The following LTBR variants were observed in gnomAD, a reference collection of about 807,000 sequenced individuals.
LTBR encodes lymphotoxin beta receptor.
Under a neutral mutation model 45.4 loss-of-function variants are expected in LTBR, and 15 were observed. That is an observed-to-expected ratio of 0.33 (90% confidence interval 0.22 to 0.51). The LOEUF is 0.51. Ranked by LOEUF, LTBR falls within the 20% of genes least tolerant of loss-of-function variation. The pLI is 0.97. For missense variants in LTBR, 450 were observed against 565.5 expected, an observed-to-expected ratio of 0.80 and a Z score of 2.07; for synonymous variants, 228 against 231.0, an observed-to-expected ratio of 0.99 and a Z score of 0.12.
chr12:6,375,325 G>A (rs1412830222), upstream of LTBR: 4 of 1,438,760 alleles, frequency 2.8e-6, no homozygotes, highest in Non-Finnish European at 1.8e-6. Context: ...CTCACTCTAG[G>A]CCCTCAGCTC....
At chr12:6,390,074 C>T in intron 8 of LTBR, 38 bp from the exon 9 acceptor site, 1 of 1,354,996 alleles carries the variant, frequency 7.4e-7, no homozygotes, top group African/African-American at 1.4e-5. Context: ...GGGTCTGGGG[C>T]CCTCATCATT....
chr12:6,390,219 A>C lies in LTBR; in HGVS notation c.909A>C (p.Pro303=). The change falls in exon 9 of 10, where the codon CCA becomes CCC. Residue 303 remains proline (P), a synonymous_variant. Transcript: ENST00000228918. ...PLLPISGDVS[P]VSTGLPAAPV... is the part of the protein sequence containing the mutation. The stretch of plus-strand genomic sequence containing the variant: ...TACCCATTTCTGGAGATGTTTCCCC[A>C]GTATCCACTGGGCTCCCCGCAGCCC... 6.2e-7 allele frequency: 1 copy of C among 1,614,076 alleles called. No individual in the cohort carries two copies. Among genetic ancestry groups the C allele is most frequent in the South Asian group, 1.1e-5 (1 of 91,080 alleles).
chr12:6,384,878 C>T, intron 2 of LTBR, 144 bp from the exon 3 acceptor site: 1 of 1,166,514 alleles, frequency 8.6e-7, no homozygotes, highest in Non-Finnish European at 1.2e-6. Context: ...CTTTCCTTAC[C>T]TCACTGAGAG....
intron 9 of LTBR, 90 bp downstream of exon 9, chr12:6,390,430 C>G: frequency 8.3e-7 from 1 of 1,207,492 alleles, no homozygotes; most frequent in Non-Finnish European, 1.2e-6. Flanking sequence ...ATAAAAAGAC[C>G]AAAACAGAGG....
upstream of LTBR, chr12:6,383,907 T>G: frequency 1.9e-6 from 1 of 528,212 alleles, no homozygotes; most frequent in Non-Finnish European, 2.5e-6. Context: ...CTGCGAGGCT[T>G]GTCCAAGGGC....
rs1227174887 is a variant in LTBR, at chr12:6,391,290, C to A, written c.*353C>A. On this transcript the variant is annotated 3_prime_UTR_variant, in exon 10 of 10. Coordinates refer to ENST00000228918, the MANE Select transcript of LTBR (RefSeq NM_002342.3). The stretch of plus-strand genomic sequence containing the variant: ...GCCGCCACACGGTCACCTGCAAGGA[C>A]GTCACGGGCCCCTCTAAAGGATTCG... 2 of 197,778 alleles carry A rather than the reference C, an allele frequency of 1.0e-5. No homozygotes were observed. Among genetic ancestry groups the A allele is most frequent in the Non-Finnish European group, 2.0e-5 (2 of 98,472 alleles). 12.3% of individuals were successfully genotyped at this position (197,778 alleles called of 1,614,324 possible).
upstream of LTBR, chr12:6,384,145 C>T: frequency 7.8e-7 from 1 of 1,274,242 alleles, no homozygotes; most frequent in Non-Finnish European, 9.9e-7. Context: ...GTCCCCGCCC[C>T]GCGGCCAGCT....
In LTBR at chr12:6,390,267, G is replaced by A. The variant is rs148530627; in HGVS notation, c.957G>A (p.Pro319=). 201 of 1,613,988 alleles carry A rather than the reference G, an allele frequency of 1.2e-4. No homozygotes were observed. Among genetic ancestry groups the A allele is most frequent in the African/African-American group, 7.1e-4 (53 of 74,974 alleles). Residue 319 remains proline, a synonymous_variant, in exon 9 of 10, where the codon CCG becomes CCA. Coordinates refer to ENST00000228918, the MANE Select transcript of LTBR (RefSeq NM_002342.3). The part of the protein sequence containing the change: ...PAAPVLEAGV[P]QQQSPLDLTR... The stretch of plus-strand genomic sequence containing the variant: ...CCCCAGTTTTGGAGGCAGGGGTGCC[G>A]CAACAGCAGAGTCCTCTGGACCTGA...
Position 6,379,069 on chromosome 12 carries a change from T to A in LTBR, c.39+3475T>A, listed in dbSNP as rs192929555. 3.7e-4 allele frequency among the ~76,000 whole-genome samples: 57 copies of A among 152,336 alleles called. No individual in the cohort carries two copies. In the East Asian group the frequency reaches 0.011, roughly 29 times the overall value. The stretch of plus-strand genomic sequence containing the variant: ...TCCACCCTCCTAGGGAGAGCCTATC[T>A]CTGCACTTACCACTGTTTACTATTA... On this transcript the variant is annotated intron_variant, in intron 1 of 9. Coordinates refer to the LTBR transcript ENST00000539925.
At chr12:6,375,893 G>C (rs541620378) in intron 1 of LTBR, 7 of 1,255,848 alleles carry the variant, frequency 5.6e-6, no homozygotes, top group Admixed American at 3.9e-5. Flanking sequence ...GCAGAAAGAG[G>C]GAGACAATAG....
At position 6,386,398 on chromosome 12, in the gene LTBR, C is replaced by T. The variant is rs757123047; in HGVS notation, c.621C>T (p.Asp207=). 6.2e-7 allele frequency: 1 copy of T among 1,613,812 alleles called. No individual in the cohort carries two copies. The highest frequency in any genetic ancestry group is 8.5e-7 in the Non-Finnish European group (1 of 1,179,962). ...VEAAPGTAQS[D]TTCKNPLEPL... ...CAGCTCCAGGCACTGCCCAGTCCGA[C>T]ACAACCTGCAAAAATCCATTAGAGC... The change falls in exon 6 of 10, where the codon GAC becomes GAT. Residue 207 remains aspartate, a synonymous_variant. Transcript: ENST00000228918. The surrounding 1 kb of genome is among the most constrained non-coding windows in gnomAD (Gnocchi z 4.1).
At chr12:6,375,728 C>T in intron 1 of LTBR, 2 of 1,421,102 alleles carry the variant, frequency 1.4e-6, no homozygotes, top group Non-Finnish European at 1.8e-6. Flanking sequence ...GCTTTAGACG[C>T]AGACAGGCAA....
In LTBR at chr12:6,386,474, G is replaced by GT. The variant is rs1565494583; in HGVS notation, c.667+30_667+31insT. On this transcript the variant is annotated intron_variant, in intron 6 of 9. Coordinates refer to ENST00000228918, the MANE Select transcript of LTBR (RefSeq NM_002342.3). The surrounding 1 kb of genome is among the most constrained non-coding windows in gnomAD (Gnocchi z 4.1). Reference sequence around the variant, plus strand: ...GGGACCAGGGCTGAGGGACACGGGGGGGGCGCCTCTGAAAATGCCTTAATG... The same window carrying GT: ...GGGACCAGGGCTGAGGGACACGGGGGTGGGCGCCTCTGAAAATGCCTTAATG... 6.4e-7 allele frequency: 1 copy of GT among 1,566,402 alleles called. No individual in the cohort carries two copies. The highest frequency in any genetic ancestry group is 8.8e-7 in the Non-Finnish European group (1 of 1,138,360).
In LTBR at chr12:6,388,791, C is replaced by T. The variant is rs1195622623; in HGVS notation, c.776-9C>T. The T allele has an allele frequency of 6.2e-7, 1 of 1,614,110 alleles. No individual in the cohort carries two copies. Among genetic ancestry groups the T allele is most frequent in the East Asian group, 2.2e-5 (1 of 44,884 alleles). ...GGGGAGCCTACACCCATTTCATTCTCCATTGCAGGATCGCTGCTCAAGAGG... is the reference window on the plus strand; with the variant it reads ...GGGGAGCCTACACCCATTTCATTCTTCATTGCAGGATCGCTGCTCAAGAGG... On this transcript the variant is annotated splice_polypyrimidine_tract_variant and intron_variant, in intron 7 of 9. Transcript: ENST00000228918. This position sits in a 1 kb window ranked among gnomAD's most constrained non-coding sequence, Gnocchi z 4.3.
chr12:6,388,591 C>T lies in LTBR; in HGVS notation c.775+86C>T, dbSNP rs71579333. 6.6e-6 allele frequency: 8 copies of T among 1,211,104 alleles called. No homozygotes were observed. The highest frequency in any genetic ancestry group is 9.7e-6 in the Non-Finnish European group (8 of 821,168). 75.0% of individuals were successfully genotyped at this position (1,211,104 alleles called of 1,614,324 possible). A position where few individuals can be genotyped will look rare whatever the true frequency, so the allele number is the denominator to read the frequency against. ...ACTTCCCCGGTGCAACCCTCCACAC[C>T]CTCAAGACTCCCAATGCCTACCCCC... On this transcript the variant is annotated intron_variant, in intron 7 of 9. Transcript: ENST00000228918. This position sits in a 1 kb window ranked among gnomAD's most constrained non-coding sequence, Gnocchi z 4.3.
chr12:6,382,782 G>A (rs1349837197), upstream of LTBR, among the ~76,000 whole-genome samples: 2 of 152,182 alleles, frequency 1.3e-5, no homozygotes, highest in East Asian at 3.9e-4. Context: ...GTGTAAGGAC[G>A]AGTGCTGAAC....
At chr12:6,383,204 G>T (rs1266419267), upstream of LTBR, among the ~76,000 whole-genome samples, 2 of 152,130 alleles carry the variant, frequency 1.3e-5, no homozygotes, top group Non-Finnish European at 2.9e-5. Flanking sequence ...GGACAGGTGG[G>T]AGTTAGGAAG....
At position 6,376,443 on chromosome 12, in the gene LTBR, G is replaced by C. The variant is rs11833597; in HGVS notation, c.39+849G>C. ...CAGCGCGAGGGCCACGCAGGACACT[G>C]TGGACACAGACCCGGAGCCCAGGAA... On this transcript the variant is annotated intron_variant, in intron 1 of 9. Coordinates refer to the LTBR transcript ENST00000539925. Among the ~76,000 whole-genome samples the C allele has an allele frequency of 8.1e-3, 1,227 of 152,348 alleles. 13 individuals are homozygous for C. Among genetic ancestry groups the C allele is most frequent in the African/African-American group, 0.028 (1,153 of 41,574 alleles).
chr12:6,382,405 A>G (rs1473442254), upstream of LTBR, among the ~76,000 whole-genome samples: 1 of 152,192 alleles, frequency 6.6e-6, no homozygotes, highest in Non-Finnish European at 1.5e-5. Context: ...ATTATCTTGC[A>G]TGTGGAATTT....
Sources: allele counts gnomAD v4.1 joint callset (sites outside exome capture counted in the v4.1 genomes callset), GRCh38; gene constraint gnomAD v4.1.1; non-coding constraint Gnocchi (gnomAD v3.1); transcripts MANE v1.5; gene names NCBI Gene and HGNC (gene_info 2026-07-23, HGNC 2026-07-21).